Variants in MAGI2 observed in about 807,000 individuals in gnomAD.
MAGI2 encodes the protein membrane associated guanylate kinase, WW and PDZ domain containing 2.
In MAGI2, 35 loss-of-function variants were observed where a neutral mutation model predicts 133.3. The observed-to-expected ratio is 0.26, with a 90% CI of 0.20 to 0.35. The LOEUF (loss-of-function observed/expected upper bound fraction) is 0.35. Ranked by LOEUF, MAGI2 falls within the 10% of genes least tolerant of loss-of-function variation. The pLI, the probability that MAGI2 is intolerant of heterozygous loss-of-function variation, is 1.00. For missense variants in MAGI2, 1,636 were observed against 1,863.4 expected (o/e 0.88, Z 2.25); for synonymous variants, 729 against 710.6 (o/e 1.03, Z -0.41).
intron 10 of MAGI2, among the ~76,000 whole-genome samples, chr7:78,234,923 A>G (rs1318235194): frequency 6.6e-6 from 1 of 152,210 alleles, no homozygotes; most frequent in Non-Finnish European, 1.5e-5. Context: ...CATAATTTCT[A>G]AAATAAAATT....
chr7:79,012,693 G>C (rs112445771), intron 1 of MAGI2, among the ~76,000 whole-genome samples: 72 of 152,274 alleles, frequency 4.7e-4, no homozygotes, highest in African/African-American at 1.7e-3. Flanking sequence ...TATTCATTAA[G>C]TGGTCTTGCA....
intron 12 of MAGI2, among the ~76,000 whole-genome samples, chr7:78,192,500 C>T (rs10808144): frequency 0.55 from 81,660 of 149,364 alleles, 22,797 homozygotes; most frequent in Admixed American, 0.64. Context: ...GAAATGGAAA[C>T]GTACAGGAGG....
At chr7:78,766,080 T>C (rs1824996303) in intron 2 of MAGI2, among the ~76,000 whole-genome samples, 1 of 152,170 alleles carries the variant, frequency 6.6e-6, no homozygotes, top group Non-Finnish European at 1.5e-5. Flanking sequence ...CATTTGAGCT[T>C]TTGTGGCCCT....
chr7:78,736,517 G>A (rs1006985605), intron 2 of MAGI2, among the ~76,000 whole-genome samples: 4 of 152,132 alleles, frequency 2.6e-5, no homozygotes, highest in Non-Finnish European at 2.9e-5. Flanking sequence ...TCTTAAAGAG[G>A]TCATAACCCT....
chr7:78,998,458 C>T (rs752428907), intron 2 of MAGI2, among the ~76,000 whole-genome samples: 1 of 152,114 alleles, frequency 6.6e-6, no homozygotes, highest in African/African-American at 2.4e-5. Flanking sequence ...TTTGCCAAGG[C>T]CCTATAATGA....
intron 6 of MAGI2, among the ~76,000 whole-genome samples, chr7:78,411,620 T>A (rs1583970338): frequency 3.3e-5 from 5 of 152,126 alleles, no homozygotes; most frequent in Admixed American, 3.3e-4. Flanking sequence ...TGATAATTTA[T>A]CACTTAGGGT....
chr7:79,217,577 G>C (rs1194733554), intron 1 of MAGI2, among the ~76,000 whole-genome samples: 1 of 151,972 alleles, frequency 6.6e-6, no homozygotes, highest in Non-Finnish European at 1.5e-5. Flanking sequence ...TATTTAAAAA[G>C]GAAATGAGCA....
In MAGI2 at chr7:78,266,769, G is replaced by A. The variant is rs189487902; in HGVS notation, c.1409-10188C>T. Among the ~76,000 whole-genome samples the A allele has an allele frequency of 2.3e-4, 35 of 151,798 alleles. 1 individual carries two copies. In the East Asian group the frequency reaches 5.3e-3, roughly 23 times the overall value. On this transcript the variant is annotated intron_variant, in intron 9 of 21. Coordinates refer to ENST00000354212, the MANE Select transcript of MAGI2 (RefSeq NM_012301.4). ...ATTTTTTTGTATTTTTAGTAGAGAC[G>A]GGGTTTCACCATGATGGCCAGGCTG...
At chr7:79,429,366 G>A (rs1198041647) in intron 1 of MAGI2, among the ~76,000 whole-genome samples, 2 of 151,870 alleles carry the variant, frequency 1.3e-5, no homozygotes, top group Non-Finnish European at 2.9e-5. Context: ...GCAGTGGCCT[G>A]TTCTCAGGTC....
chr7:78,132,873 T>G lies in MAGI2; in HGVS notation c.3203+16A>C. ...CTATCACCTCTCAGAATCACAAAAGTCAGAGGAAATTTTACCTATTTTCGT... is the reference window on the plus strand; with the variant it reads ...CTATCACCTCTCAGAATCACAAAAGGCAGAGGAAATTTTACCTATTTTCGT... On this transcript the variant is annotated intron_variant, in intron 18 of 21. Coordinates refer to ENST00000354212, the MANE Select transcript of MAGI2 (RefSeq NM_012301.4). 6.2e-7 allele frequency: 1 copy of G among 1,614,046 alleles called. No individual in the cohort carries two copies. Among genetic ancestry groups the G allele is most frequent in the African/African-American group, 1.3e-5 (1 of 75,036 alleles).
chr7:79,182,923 A>C (rs1826746515), intron 1 of MAGI2, among the ~76,000 whole-genome samples: 1 of 152,004 alleles, frequency 6.6e-6, no homozygotes, highest in African/African-American at 2.4e-5. Flanking sequence ...ACTGGAGGTT[A>C]CGAGAAATAA....
intron 20 of MAGI2, among the ~76,000 whole-genome samples, chr7:78,080,722 C>G (rs896002520): frequency 1.3e-5 from 2 of 152,204 alleles, no homozygotes; most frequent in Non-Finnish European, 2.9e-5. Flanking sequence ...AACTCTAACT[C>G]AACAGCAGTA....
intron 21 of MAGI2, among the ~76,000 whole-genome samples, chr7:78,055,599 G>T (rs1812485370): frequency 6.6e-6 from 1 of 152,060 alleles, no homozygotes. Flanking sequence ...CCAGACCCTG[G>T]AACCTCCTTT....
intron 11 of MAGI2, among the ~76,000 whole-genome samples, chr7:78,199,491 T>C (rs1829037719): frequency 6.6e-6 from 1 of 152,312 alleles, no homozygotes; most frequent in Non-Finnish European, 1.5e-5. Context: ...CTATCTCCAT[T>C]TTACAGATAT....
At chr7:79,348,662 CT>C (rs951748047) in intron 1 of MAGI2, among the ~76,000 whole-genome samples, 3 of 147,968 alleles carry the variant, frequency 2.0e-5, no homozygotes, top group Non-Finnish European at 4.5e-5. Context: ...GAGTTTTCTG[CT>C]TTTTTTTTTC....
intron 2 of MAGI2, among the ~76,000 whole-genome samples, chr7:78,758,361 C>A (rs143573530): frequency 6.6e-6 from 1 of 152,006 alleles, no homozygotes; most frequent in African/African-American, 2.4e-5. Context: ...ATGAAGTATG[C>A]TAGAAATAGA....
intron 6 of MAGI2, among the ~76,000 whole-genome samples, chr7:78,458,716 G>A (rs1446085958): frequency 6.6e-6 from 1 of 151,106 alleles, no homozygotes; most frequent in East Asian, 2.0e-4. Context: ...CTCAGTGCAA[G>A]CTCCGCCTCC....
chr7:79,276,446 T>G (rs950958169), intron 1 of MAGI2, among the ~76,000 whole-genome samples: 2 of 152,166 alleles, frequency 1.3e-5, no homozygotes, highest in African/African-American at 4.8e-5. Flanking sequence ...GCAAATTAAT[T>G]ATAACTTTCT....
Position 79,097,854 on chromosome 7 carries a change from G to C in MAGI2, c.302-90648C>G, listed in dbSNP as rs189878031. On this transcript the variant is annotated intron_variant, in intron 1 of 21. Transcript: ENST00000354212. ...TAGCTGATGTGGGCCAGGCGTGGTG[G>C]CTTATGCATGTAATCCCAGCACCTT... is the stretch of plus-strand genomic sequence containing the variant. Among the ~76,000 whole-genome samples, 37 of 152,270 alleles carry C rather than the reference G, an allele frequency of 2.4e-4. No homozygotes were observed. The East Asian group carries it at 6.4e-3, about 26-fold the overall frequency.
Sources: gnomAD v4.1 joint callset for allele counts (sites outside exome capture counted in the v4.1 genomes callset) on GRCh38, gnomAD v4.1.1 for gene constraint, MANE v1.5 for transcripts, NCBI Gene and HGNC (gene_info 2026-07-23, HGNC 2026-07-21) for gene names.